MEIOB: variants seen among roughly 807,000 people sequenced by gnomAD.
MEIOB encodes the protein meiosis-specific with OB domain-containing protein.
In MEIOB, 50 loss-of-function variants were observed where a neutral mutation model predicts 53.1. The observed-to-expected ratio is 0.94, with a 90% confidence interval of 0.75 to 1.19. The LOEUF (loss-of-function observed/expected upper bound fraction) is 1.19, where lower values mean the gene tolerates loss of function less well. Among genes scored for constraint, MEIOB ranks in the 50% most tolerant of loss-of-function variants. The pLI, the probability that MEIOB is intolerant of heterozygous loss-of-function variation, is 0.00. For synonymous variants in MEIOB, 192 were observed against 182.5 expected, an observed-to-expected ratio of 1.05 and a Z score of -0.42; for missense variants, 551 against 550.8, an observed-to-expected ratio of 1.00 and a Z score of 0.00.
chr16:1,871,760 C>G (rs1323348493), intron 1 of MEIOB, among the ~76,000 whole-genome samples: 1 of 137,150 alleles, frequency 7.3e-6, no homozygotes, highest in African/African-American at 2.7e-5. Flanking sequence ...GAATTTGAGA[C>G]CAGCTTGGCC....
chr16:1,839,227 T>C, intron 12 of MEIOB, 28 bp downstream of exon 12: 1 of 1,544,300 alleles, frequency 6.5e-7, no homozygotes, highest in Non-Finnish European at 8.7e-7. Flanking sequence ...GGAAATATTC[T>C]AAACATTTCT....
chr16:1,856,137 G>A (rs1235929815), intron 6 of MEIOB, among the ~76,000 whole-genome samples: 1 of 148,738 alleles, frequency 6.7e-6, no homozygotes, highest in Non-Finnish European at 1.5e-5. Context: ...TGGGACTCCA[G>A]GTACCTGCCA....
intron 9 of MEIOB, among the ~76,000 whole-genome samples, chr16:1,851,526 C>G (rs1408497862): frequency 2.0e-5 from 3 of 152,096 alleles, no homozygotes. Flanking sequence ...TGTCGTTGCA[C>G]CCCAGAACAG....
chr16:1,835,183 A>G (rs1898708967), intron 13 of MEIOB, among the ~76,000 whole-genome samples: 1 of 151,958 alleles, frequency 6.6e-6, no homozygotes, highest in African/African-American at 2.4e-5. Flanking sequence ...GAGCCTGGGA[A>G]GGTTGAGGCT....
intron 4 of MEIOB, among the ~76,000 whole-genome samples, chr16:1,861,535 CTTTTTTTTT>C (rs59561016): frequency 2.2e-5 from 2 of 89,126 alleles, no homozygotes; most frequent in African/African-American, 9.1e-5. Context: ...GCATTGCAGT[CTTTTTTTTT>C]TTTTTTTTTT....
chr16:1,850,804 C>G (rs1168016394), intron 9 of MEIOB, among the ~76,000 whole-genome samples: 1 of 151,098 alleles, frequency 6.6e-6, no homozygotes, highest in Non-Finnish European at 1.5e-5. Context: ...GCCTGTAGTC[C>G]CAGCTACTCG....
chr16:1,850,373 G>A (rs535462193), intron 9 of MEIOB, among the ~76,000 whole-genome samples: 1 of 151,150 alleles, frequency 6.6e-6, no homozygotes, highest in South Asian at 2.1e-4. Flanking sequence ...GAGCCCAGAA[G>A]TTCAAGACCA....
intron 7 of MEIOB, 146 bp from the exon 8 acceptor site, chr16:1,853,417 G>T: frequency 3.2e-6 from 2 of 632,008 alleles, no homozygotes; most frequent in South Asian, 1.9e-5. Context: ...TCTTAAGCAT[G>T]CCAGCTTCCT....
At chr16:1,865,582 T>TAG (rs1240111613) in intron 3 of MEIOB, among the ~76,000 whole-genome samples, 196 bp downstream of exon 3, 1 of 151,438 alleles carries the variant, frequency 6.6e-6, no homozygotes. Flanking sequence ...TACATATATA[T>TAG]AGAGAGAGAG....
intron 10 of MEIOB, among the ~76,000 whole-genome samples, chr16:1,842,453 TAAAAAAA>T (rs74460539): frequency 0.02 from 2,494 of 124,724 alleles, 76 homozygotes; most frequent in African/African-American, 0.071. Flanking sequence ...TGTCTCTACT[TAAAAAAA>T]AAAAAAAAAA....
chr16:1,847,401 G>A (rs1389316311), intron 9 of MEIOB, among the ~76,000 whole-genome samples: 1 of 151,978 alleles, frequency 6.6e-6, no homozygotes, highest in East Asian at 1.9e-4. Context: ...GGCGGAGGTT[G>A]CAGTGAGCTG....
chr16:1,865,730 A>C (rs1279777705), intron 3 of MEIOB, 48 bp downstream of exon 3: 1 of 1,382,824 alleles, frequency 7.2e-7, no homozygotes, highest in African/African-American at 1.5e-5. Context: ...TTGTAGTCAT[A>C]AGCCAAAGTT....
intron 11 of MEIOB, chr16:1,840,263 C>T (rs1204654206): frequency 1.3e-5 from 2 of 152,188 alleles, no homozygotes; most frequent in Non-Finnish European, 2.9e-5. Context: ...AGGCCTTACA[C>T]AGCATCCTCC....
intron 10 of MEIOB, among the ~76,000 whole-genome samples, chr16:1,844,216 G>C (rs572464419): frequency 6.7e-6 from 1 of 149,722 alleles, no homozygotes; most frequent in South Asian, 2.1e-4. Flanking sequence ...TCCGCCTCCT[G>C]GGTTCAAGCA....
rs1172721510 is a variant in MEIOB, at chr16:1,845,085, A to G, written c.779-122T>C. 16 of 563,928 alleles carry G rather than the reference A, an allele frequency of 2.8e-5. 1 individual carries two copies. The Admixed American group carries it at 3.3e-4, about 12-fold the overall frequency. 34.9% of individuals were successfully genotyped at this position (563,928 alleles called of 1,614,324 possible). ...ACATGTAAGAATACAATCAAATAGA[A>G]TATTACGTGGCCATTAACAATGTGA... On this transcript the variant is annotated intron_variant, in intron 9 of 13. Transcript: ENST00000325962.
chr16:1,867,664 G>A (rs1264062170), intron 2 of MEIOB, among the ~76,000 whole-genome samples: 1 of 151,732 alleles, frequency 6.6e-6, no homozygotes, highest in Non-Finnish European at 1.5e-5. Context: ...TAGAGATGGG[G>A]TTTCTCCATG....
intron 9 of MEIOB, among the ~76,000 whole-genome samples, chr16:1,845,217 A>T (rs1241353562): frequency 2.0e-5 from 3 of 152,200 alleles, no homozygotes; most frequent in Admixed American, 6.6e-5. Flanking sequence ...CCTTTTAATT[A>T]AAAAATCTAC....
chr16:1,835,022 A>G (rs1332909557), intron 13 of MEIOB, among the ~76,000 whole-genome samples: 8 of 150,758 alleles, frequency 5.3e-5, no homozygotes, highest in African/African-American at 1.5e-4. Flanking sequence ...TGGGAGGCCA[A>G]GGCAGGTAGA....
intron 1 of MEIOB, among the ~76,000 whole-genome samples, chr16:1,870,554 T>G (rs1899718335): frequency 6.6e-6 from 1 of 152,178 alleles, no homozygotes; most frequent in South Asian, 2.1e-4. Context: ...AAACATTAAT[T>G]TCCTCATCCT....
Sources: gnomAD v4.1 joint callset for allele counts (sites outside exome capture counted in the v4.1 genomes callset) on GRCh38, gnomAD v4.1.1 for gene constraint, MANE v1.5 for transcripts, NCBI Gene and HGNC (gene_info 2026-07-23, HGNC 2026-07-21) for gene names.